The following PLEKHG1 variants were observed in gnomAD, a reference collection of about 807,000 sequenced individuals.
PLEKHG1 encodes the protein pleckstrin homology and RhoGEF domain containing G1, also known as pleckstrin homology domain-containing family G member 1.
Under a neutral mutation model 100.8 loss-of-function variants are expected in PLEKHG1, and 44 were observed. The observed-to-expected ratio is 0.44, with a 90% CI of 0.34 to 0.56. The LOEUF (loss-of-function observed/expected upper bound fraction) is 0.56. Ranked by LOEUF, PLEKHG1 falls within the 20% of genes least tolerant of loss-of-function variation. PLEKHG1 has a pLI of 0.01. For missense variants in PLEKHG1, 1,545 were observed against 1,720.9 expected (o/e 0.90, Z 1.81); for synonymous variants, 640 against 662.5 (o/e 0.97, Z 0.52).
chr6:150,719,604 G>A (rs1355792601), upstream of PLEKHG1, among the ~76,000 whole-genome samples: 12 of 152,208 alleles, frequency 7.9e-5, no homozygotes, highest in Admixed American at 6.5e-4. Flanking sequence ...AAGAGCTGTG[G>A]GTTGGAGTGG....
chr6:150,811,744 C>A (rs556780188), intron 10 of PLEKHG1, among the ~76,000 whole-genome samples: 2 of 151,460 alleles, frequency 1.3e-5, no homozygotes, highest in Non-Finnish European at 1.5e-5. Context: ...GGGGCAGGGA[C>A]GGGAAGGGCA....
intron 1 of PLEKHG1, among the ~76,000 whole-genome samples, chr6:150,612,626 C>G (rs1218132045): frequency 1.3e-5 from 2 of 152,158 alleles, no homozygotes; most frequent in Non-Finnish European, 2.9e-5. Context: ...AGCCACCACG[C>G]CCAGCCTGAA....
upstream of PLEKHG1, among the ~76,000 whole-genome samples, chr6:150,718,267 C>A (rs76193635): frequency 6.6e-6 from 1 of 152,082 alleles, no homozygotes; most frequent in Non-Finnish European, 1.5e-5. Context: ...ACCAGCAGCG[C>A]ACCTCCAAGA....
intron 3 of PLEKHG1, among the ~76,000 whole-genome samples, chr6:150,716,049 A>C (rs1324646888): frequency 1.3e-5 from 2 of 148,724 alleles, no homozygotes; most frequent in African/African-American, 4.9e-5. Context: ...CGGAGCTTGC[A>C]GTGAGCCGAG....
intron 7 of PLEKHG1, 82 bp downstream of exon 8, chr6:150,804,823 C>G: frequency 1.5e-6 from 2 of 1,322,456 alleles, no homozygotes; most frequent in Non-Finnish European, 2.1e-6. Flanking sequence ...TAAGGCTGCT[C>G]AAGTACTGCA....
chr6:150,769,347 C>T (rs1784596867), intron 3 of PLEKHG1, among the ~76,000 whole-genome samples: 1 of 151,838 alleles, frequency 6.6e-6, no homozygotes, highest in Non-Finnish European at 1.5e-5. Flanking sequence ...TTTGGTAGGC[C>T]GAGGTGGACA....
chr6:150,766,668 G>T (rs1784469010), intron 2 of PLEKHG1, among the ~76,000 whole-genome samples: 1 of 152,184 alleles, frequency 6.6e-6, no homozygotes, highest in Non-Finnish European at 1.5e-5. Flanking sequence ...TGAGGTTTTT[G>T]AAACTCTTTG....
At chr6:150,783,332 G>T (rs954283976) in intron 3 of PLEKHG1, among the ~76,000 whole-genome samples, 1 of 151,906 alleles carries the variant, frequency 6.6e-6, no homozygotes, top group Non-Finnish European at 1.5e-5. Context: ...AACTGCAAGG[G>T]AGGAAATATC....
intron 2 of PLEKHG1, among the ~76,000 whole-genome samples, chr6:150,761,580 C>T (rs1466448273): frequency 6.6e-6 from 1 of 152,124 alleles, no homozygotes; most frequent in Non-Finnish European, 1.5e-5. Flanking sequence ...AGGGGTGAGC[C>T]ACCACACCTG....
At chr6:150,739,841 TA>T (rs1782759368) in intron 2 of PLEKHG1, among the ~76,000 whole-genome samples, 1 of 152,194 alleles carries the variant, frequency 6.6e-6, no homozygotes, top group Admixed American at 6.5e-5. Flanking sequence ...TTCGTTAGTC[TA>T]TGTGGACTCT....
chr6:150,645,385 G>T (rs1384408750), intron 2 of PLEKHG1, among the ~76,000 whole-genome samples: 1 of 152,170 alleles, frequency 6.6e-6, no homozygotes, highest in Non-Finnish European at 1.5e-5. Context: ...ATATTTTCAT[G>T]TCCTTGGGAT....
At chr6:150,841,208 T>G in exon 16 of PLEKHG1, 1 of 431,002 alleles carries the variant, frequency 2.3e-6, no homozygotes, top group Non-Finnish European at 4.3e-6. Flanking sequence ...TGCCCACACC[T>G]TAAGAAATGC....
chr6:150,827,050 CTTCT>C (rs1208319069), intron 14 of PLEKHG1, among the ~76,000 whole-genome samples: 37 of 124,316 alleles, frequency 3.0e-4, no homozygotes, highest in African/African-American at 3.6e-4. Context: ...TCTTTTCTTC[CTTCT>C]TTCTTTATTA....
intron 3 of PLEKHG1, among the ~76,000 whole-genome samples, chr6:150,701,491 C>T (rs1201499679): frequency 3.5e-5 from 4 of 115,220 alleles, no homozygotes; most frequent in Admixed American, 3.4e-4. Context: ...TTCTAGGGTA[C>T]ATGTGCACAA....
At chr6:150,703,634 T>C (rs1030602339) in intron 3 of PLEKHG1, among the ~76,000 whole-genome samples, 16 of 151,636 alleles carry the variant, frequency 1.1e-4, no homozygotes, top group African/African-American at 3.9e-4. Flanking sequence ...TTTTTTCTAC[T>C]TGAAGAGCTA....
At chr6:150,743,367 A>C (rs573672299) in intron 2 of PLEKHG1, among the ~76,000 whole-genome samples, 141 of 146,712 alleles carry the variant, frequency 9.6e-4, no homozygotes, top group African/African-American at 3.5e-3. Flanking sequence ...CTAAAAATCC[A>C]AAAAAAAAAT....
chr6:150,639,351 C>T (rs1377916392), intron 2 of PLEKHG1, among the ~76,000 whole-genome samples: 1 of 152,026 alleles, frequency 6.6e-6, no homozygotes, highest in Non-Finnish European at 1.5e-5. Flanking sequence ...TGAACATATT[C>T]ATGGAATACA....
chr6:150,612,053 C>T lies in PLEKHG1; in HGVS notation c.-204+12036C>T, dbSNP rs952646298. Among the ~76,000 whole-genome samples, 22 of 104,986 alleles carry T rather than the reference C, an allele frequency of 2.1e-4. 1 individual carries two copies. The South Asian group carries it at 6.7e-3, about 32-fold the overall frequency. The allele number at this position is 104,986 out of a possible 152,430, so 68.9% of individuals were successfully genotyped here. A position where few individuals can be genotyped will look rare whatever the true frequency, so the allele number is the denominator to read the frequency against. On this transcript the variant is annotated intron_variant, in intron 1 of 3. Coordinates refer to the PLEKHG1 transcript ENST00000367326. ...CAGCTTCCTGGTGTTGTTCCCCCCC[C>T]CCCCCCCTTTTCTAGTTCTTAGTTA...
rs182466876 is a variant in PLEKHG1, at chr6:150,840,736, C to T, written c.3998C>T (p.Pro1333Leu). ...AATAGTCCGCGCACTCCAAAAAAGC[C>T]GGTTAACAGCAAACTTGGCCTTTCA... Residue 1333 changes from proline (P) to leucine (L), a missense_variant, in exon 16 of 16, where the codon CCG (proline) becomes CTG (leucine). Transcript: ENST00000358517. 6.5e-5 allele frequency: 105 copies of T among 1,614,116 alleles called. No homozygotes were observed. In the African/African-American group the frequency reaches 1.2e-3, roughly 18 times the overall value.
Sources: gnomAD v4.1 joint callset for allele counts (sites outside exome capture counted in the v4.1 genomes callset) on GRCh38, gnomAD v4.1.1 for gene constraint, MANE v1.5 for transcripts, NCBI Gene and HGNC (gene_info 2026-07-23, HGNC 2026-07-21) for gene names.